The following CREB5 variants were observed in gnomAD, a reference collection of about 807,000 sequenced individuals.
CREB5 encodes cAMP responsive element binding protein 5, also known as cyclic AMP-responsive element-binding protein 5.
Under a neutral mutation model 57.1 loss-of-function variants are expected in CREB5, and 19 were observed. The ratio of observed to expected loss-of-function variants is 0.33; its 90% CI spans 0.23 to 0.49. CREB5 has a LOEUF of 0.49. CREB5 is among the 20% of genes least tolerant of loss of function. The pLI is 0.99. For synonymous variants in CREB5, 238 were observed against 238.3 expected, an observed-to-expected ratio of 1.00 and a Z score of 0.01; for missense variants, 579 against 671.6, an observed-to-expected ratio of 0.86 and a Z score of 1.52.
rs75793311 is a variant in CREB5, at chr7:28,681,943, C to T, written c.465-36810C>T. Among the ~76,000 whole-genome samples the T allele has an allele frequency of 8.1e-3, 1,236 of 152,294 alleles. 13 individuals carry two copies. Among genetic ancestry groups the T allele is most frequent in the African/African-American group, 0.018 (734 of 41,560 alleles). On this transcript the variant is annotated intron_variant, in intron 5 of 10. Coordinates refer to ENST00000357727, the MANE Select transcript of CREB5 (RefSeq NM_182898.4). ...ACACTATAGGAAGCAGAATTGATGA[C>T]AATATTTTAGGGCTAATCAAATGGC...
At chr7:28,410,338 G>T, upstream of CREB5, 1 of 456,666 alleles carries the variant, frequency 2.2e-6, no homozygotes, top group South Asian at 1.5e-5. Context: ...GACAGCTCCG[G>T]CTCGAGCTTT....
At chr7:28,560,969 T>TGC (rs1395767512) in intron 4 of CREB5, among the ~76,000 whole-genome samples, 928 of 24,944 alleles carry the variant, frequency 0.037, 113 homozygotes, top group Middle Eastern at 0.12. Context: ...TGCGTGTGTG[T>TGC]GTGCGTGTGT....
chr7:28,426,417 G>A (rs929960037), intron 1 of CREB5, among the ~76,000 whole-genome samples: 1 of 152,106 alleles, frequency 6.6e-6, no homozygotes, highest in Non-Finnish European at 1.5e-5. Flanking sequence ...AACCTTCACT[G>A]GTGCCCTGTC....
chr7:28,525,389 T>G (rs1174712778), intron 4 of CREB5, among the ~76,000 whole-genome samples: 1 of 152,206 alleles, frequency 6.6e-6, no homozygotes, highest in Non-Finnish European at 1.5e-5. Flanking sequence ...TTAGTTTTTT[T>G]GAGAAATCTC....
At chr7:28,732,555 A>G (rs1050202951) in intron 7 of CREB5, among the ~76,000 whole-genome samples, 13 of 151,320 alleles carry the variant, frequency 8.6e-5, no homozygotes, top group Non-Finnish European at 1.8e-4. Flanking sequence ...AAAAGCCAGG[A>G]AAAAAAAAGG....
chr7:28,611,729 G>A (rs999775223), intron 5 of CREB5, among the ~76,000 whole-genome samples: 9 of 150,368 alleles, frequency 6.0e-5, no homozygotes, highest in African/African-American at 1.5e-4. Context: ...ATATATGTGC[G>A]AGGTAGGGAG....
intron 1 of CREB5, among the ~76,000 whole-genome samples, chr7:28,452,489 C>T (rs1387423876): frequency 6.6e-6 from 1 of 152,112 alleles, no homozygotes; most frequent in Non-Finnish European, 1.5e-5. Flanking sequence ...GGGTTCCTGA[C>T]AGGAAACAGC....
chr7:28,328,505 C>T (rs1785652650), intron 1 of CREB5, among the ~76,000 whole-genome samples: 1 of 152,142 alleles, frequency 6.6e-6, no homozygotes, highest in Non-Finnish European at 1.5e-5. Flanking sequence ...GGCCATGTTT[C>T]CACCTGGCTT....
intron 1 of CREB5, among the ~76,000 whole-genome samples, chr7:28,312,245 T>C (rs746544583): frequency 2.7e-5 from 4 of 150,826 alleles, no homozygotes; most frequent in Non-Finnish European, 4.4e-5. Context: ...CTTACAAGGG[T>C]CTTCCTGGTG....
chr7:28,729,667 G>A (rs942654686), intron 7 of CREB5, among the ~76,000 whole-genome samples: 1 of 152,132 alleles, frequency 6.6e-6, no homozygotes. Flanking sequence ...GCAGTTCTTC[G>A]ATTTGCCTAT....
intron 7 of CREB5, among the ~76,000 whole-genome samples, chr7:28,760,038 C>T (rs1044704388): frequency 6.6e-6 from 1 of 152,178 alleles, no homozygotes; most frequent in Non-Finnish European, 1.5e-5. Flanking sequence ...CCTTCATTAG[C>T]TGATGTGCTT....
intron 1 of CREB5, among the ~76,000 whole-genome samples, chr7:28,310,224 G>A (rs1785252749): frequency 6.6e-6 from 1 of 152,196 alleles, no homozygotes; most frequent in Admixed American, 6.5e-5. Flanking sequence ...AGAGAATAGG[G>A]AGAGTTATTT....
intron 4 of CREB5, among the ~76,000 whole-genome samples, chr7:28,560,913 T>TGTGCGC (rs1211404751): frequency 4.6e-5 from 1 of 21,952 alleles, no homozygotes; most frequent in African/African-American, 1.7e-4. Flanking sequence ...CGCGTGCGTG[T>TGTGCGC]GCGTGTGTGC....
At position 28,819,447 on chromosome 7, in the gene CREB5, TA is replaced by T. The variant is rs1809638652; in HGVS notation, c.*169del. On this transcript the variant is annotated 3_prime_UTR_variant, in exon 11 of 11. Transcript: ENST00000357727. The stretch of plus-strand genomic sequence containing the variant: ...AAATGTTGTCTTTTATACTTAGTTA[TA>T]TAAGAAAAAAGGGAGTTATGCAATT... 2 of 667,398 alleles carry T rather than the reference TA, an allele frequency of 3.0e-6. No individual in the cohort carries two copies. The highest frequency in any genetic ancestry group is 4.7e-6 in the Non-Finnish European group (2 of 424,914). The allele number at this position is 667,398 out of a possible 1,614,324, so 41.3% of individuals were successfully genotyped here.
chr7:28,611,006 T>C (rs1042455053), intron 5 of CREB5, among the ~76,000 whole-genome samples: 2 of 151,188 alleles, frequency 1.3e-5, no homozygotes, highest in African/African-American at 4.9e-5. Context: ...CTTTTCCCTA[T>C]TGGAATTTGG....
intron 7 of CREB5, among the ~76,000 whole-genome samples, chr7:28,784,229 G>A (rs993628960): frequency 1.3e-5 from 2 of 152,220 alleles, no homozygotes; most frequent in African/African-American, 4.8e-5. Flanking sequence ...GTTTCCACTT[G>A]CCTGCAGGGC....
At chr7:28,504,905 G>C (rs1015219056) in intron 3 of CREB5, among the ~76,000 whole-genome samples, 4 of 152,032 alleles carry the variant, frequency 2.6e-5, no homozygotes, top group African/African-American at 7.2e-5. Context: ...TTGGTGAGTT[G>C]GTTTGCTGAA....
At chr7:28,310,960 G>C (rs1269063673) in intron 1 of CREB5, among the ~76,000 whole-genome samples, 1 of 151,898 alleles carries the variant, frequency 6.6e-6, no homozygotes, top group African/African-American at 2.4e-5. Flanking sequence ...AGTCCACACG[G>C]GACATTTGGT....
intron 5 of CREB5, among the ~76,000 whole-genome samples, chr7:28,585,269 CA>C (rs957493667): frequency 2.6e-5 from 4 of 152,214 alleles, no homozygotes; most frequent in Admixed American, 1.3e-4. Flanking sequence ...ATGTTCTTAG[CA>C]GCTAATAACA....
Sources: gnomAD v4.1 joint callset for allele counts (sites outside exome capture counted in the v4.1 genomes callset) on GRCh38, gnomAD v4.1.1 for gene constraint, MANE v1.5 for transcripts, NCBI Gene and HGNC (gene_info 2026-07-23, HGNC 2026-07-21) for gene names.